The following ZNF716 variants were observed in gnomAD, a reference collection of about 807,000 sequenced individuals.
ZNF716 encodes the protein zinc finger protein 716.
ZNF716 carries 9 observed loss-of-function variants against 13.4 expected under a neutral mutation model. The observed-to-expected ratio is 0.67, with a 90% confidence interval of 0.41 to 1.18. The LOEUF (loss-of-function observed/expected upper bound fraction) is 1.18, where lower values mean the gene tolerates loss of function less well. Ranked by LOEUF, ZNF716 falls within the 50% of genes most tolerant of loss-of-function variation. The pLI is 0.01. For synonymous variants in ZNF716, 186 were observed against 195.2 expected (o/e 0.95, Z 0.39); for missense variants, 581 against 576.6 (o/e 1.01, Z -0.08).
chr7:57,458,273 C>T (rs1445767094), intron 1 of ZNF716, among the ~76,000 whole-genome samples: 3 of 152,190 alleles, frequency 2.0e-5, no homozygotes, highest in African/African-American at 7.2e-5. Context: ...CTCTCACCAG[C>T]AGCGTATAAG....
intron 3 of ZNF716, among the ~76,000 whole-genome samples, chr7:57,466,151 A>G (rs11978269): frequency 0.35 from 52,857 of 151,908 alleles, 9,567 homozygotes; most frequent in Admixed American, 0.42. Context: ...TAACCTGCAC[A>G]TTGTGCACAT....
Position 57,450,252 on chromosome 7 carries a change from C to T in ZNF716, c.-37C>T, listed in dbSNP as rs782506450. ...CGTCCTCTGCTCCTGGAGGCCAAGC[C>T]TCTGTGGCCTTGTGTCCTGCAAGTA... On this transcript the variant is annotated 5_prime_UTR_variant, in exon 1 of 4. Coordinates refer to ENST00000420713, the MANE Select transcript of ZNF716 (RefSeq NM_001159279.1). The T allele has an allele frequency of 6.2e-6, 10 of 1,613,700 alleles. No individual in the cohort carries two copies. The highest frequency in any genetic ancestry group is 4.5e-5 in the East Asian group (2 of 44,846).
Position 57,470,028 on chromosome 7 carries a change from T to C in ZNF716, c.*79T>C. On this transcript the variant is annotated 3_prime_UTR_variant, in exon 4 of 4. Transcript: ENST00000420713. ...AAAAAATCACTACAAGTGTGGAGAA[T>C]GTGGCCAATTCTTTAACCAGTTCCA... 1.5e-6 allele frequency: 2 copies of C among 1,356,624 alleles called. No homozygotes were observed. The highest frequency in any genetic ancestry group is 2.5e-5 in the East Asian group (1 of 39,834). 84.0% of individuals were successfully genotyped at this position (1,356,624 alleles called of 1,614,324 possible).
Position 57,470,127 on chromosome 7 carries a change from T to A in ZNF716, c.*178T>A. On this transcript the variant is annotated 3_prime_UTR_variant, in exon 4 of 4. Coordinates refer to ENST00000420713, the MANE Select transcript of ZNF716 (RefSeq NM_001159279.1). ...ATGTAAAAAAAAAAGTAACAGCCTTTAACCACCCCTCAAACCTTAATGAAC... is the reference window on the plus strand; with the variant it reads ...ATGTAAAAAAAAAAGTAACAGCCTTAAACCACCCCTCAAACCTTAATGAAC... The A allele has an allele frequency of 3.0e-6, 2 of 659,482 alleles. No homozygotes were observed. Among genetic ancestry groups the A allele is most frequent in the Non-Finnish European group, 4.7e-6 (2 of 425,060 alleles). 40.9% of individuals were successfully genotyped at this position (659,482 alleles called of 1,614,324 possible). A position where few individuals can be genotyped will look rare whatever the true frequency, so the allele number is the denominator to read the frequency against.
In ZNF716 at chr7:57,469,667, T is replaced by C. The variant is rs1223205240; in HGVS notation, c.1206T>C (p.His402=). The C allele has an allele frequency of 2.2e-5, 36 of 1,609,478 alleles. No homozygotes were observed. Among genetic ancestry groups the C allele is most frequent in the Non-Finnish European group, 3.1e-5 (36 of 1,176,774 alleles). The change falls in exon 4 of 4, where the codon CAT becomes CAC. Residue 402 remains histidine (H), a synonymous_variant. Transcript: ENST00000420713. ...PSTFTYHKRT[H]TGEKPYKCEE... Reference sequence around the variant, plus strand: ...CCTTCACTTACCACAAGAGAACTCATACTGGAGAGAAACCCTACAAATGTG... The same window carrying C: ...CCTTCACTTACCACAAGAGAACTCACACTGGAGAGAAACCCTACAAATGTG...
intron 3 of ZNF716, among the ~76,000 whole-genome samples, chr7:57,465,750 A>G (rs1176193811): frequency 1.3e-5 from 2 of 152,196 alleles, no homozygotes; most frequent in South Asian, 4.1e-4. Flanking sequence ...TTATTGCGGC[A>G]CTATTCACAA....
chr7:57,461,325 C>A (rs1440024255), intron 1 of ZNF716, among the ~76,000 whole-genome samples: 1 of 152,022 alleles, frequency 6.6e-6, no homozygotes, highest in Non-Finnish European at 1.5e-5. Flanking sequence ...AAAGAAATAC[C>A]ACAGCAGTGA....
At chr7:57,467,960 T>C (rs1789845336) in intron 3 of ZNF716, among the ~76,000 whole-genome samples, 2 of 152,124 alleles carry the variant, frequency 1.3e-5, no homozygotes, top group Admixed American at 1.3e-4. Flanking sequence ...CGTGTTGCCC[T>C]AATATTTTAT....
chr7:57,460,289 G>A (rs1385993857), intron 1 of ZNF716, among the ~76,000 whole-genome samples: 1 of 151,696 alleles, frequency 6.6e-6, no homozygotes, highest in Non-Finnish European at 1.5e-5. Context: ...CAGCTACTCA[G>A]GGGGCTGAGG....
intron 1 of ZNF716, 139 bp from the exon 2 acceptor site, chr7:57,462,321 G>A (rs1789721142): frequency 8.8e-6 from 8 of 907,716 alleles, no homozygotes; most frequent in Non-Finnish European, 1.4e-5. Flanking sequence ...AATAATTTTA[G>A]TCACTCTTAC....
intron 1 of ZNF716, among the ~76,000 whole-genome samples, chr7:57,461,871 C>T (rs1435036363): frequency 2.0e-5 from 3 of 152,050 alleles, no homozygotes; most frequent in Non-Finnish European, 4.4e-5. Flanking sequence ...CAAAAATAGA[C>T]ATGTCCGACT....
At chr7:57,464,122 C>CTTTTTTTTTTTTTTTT (rs71065117) in intron 3 of ZNF716, among the ~76,000 whole-genome samples, 2 of 125,842 alleles carry the variant, frequency 1.6e-5, no homozygotes, top group African/African-American at 3.0e-5. Context: ...TTTCTTTTTT[C>CTTTTTTTTTTTTTTTT]TTTTTTTTTT....
rs782745508 is a variant in ZNF716 at position 57,464,115 on chromosome 7, C to CTTTTTTTTTTTTTTTTTTTTTTTTTTT, written c.262+953_262+954insTTTTTTTTTTTTTTTTTTTTTTTTTTT. Among the ~76,000 whole-genome samples the CTTTTTTTTTTTTTTTTTTTTTTTTTTT allele has an allele frequency of 4.5e-5, 5 of 110,240 alleles. 1 individual carries two copies. Among genetic ancestry groups the CTTTTTTTTTTTTTTTTTTTTTTTTTTT allele is most frequent in the African/African-American group, 3.6e-5 (1 of 27,516 alleles). The allele number at this position is 110,240 out of a possible 152,430, so 72.3% of individuals were successfully genotyped here. A position where few individuals can be genotyped will look rare whatever the true frequency, so the allele number is the denominator to read the frequency against. On this transcript the variant is annotated intron_variant, in intron 3 of 3. Coordinates refer to ENST00000420713, the MANE Select transcript of ZNF716 (RefSeq NM_001159279.1). ...AGGTAGTTCAATCATTTGTCCATTT[C>CTTTTTTTTTTTTTTTTTTTTTTTTTTT]TTTTTTCTTTTTTTTTTTTTTTTGA... is the stretch of plus-strand genomic sequence containing the variant.
In ZNF716 at chr7:57,450,202, T is replaced by C; in HGVS notation, c.-87T>C. On this transcript the variant is annotated 5_prime_UTR_variant, in exon 1 of 4. Coordinates refer to ENST00000420713, the MANE Select transcript of ZNF716 (RefSeq NM_001159279.1). ...CTTTTTGCTTCTCTGCGCCCAGAGC[T>C]CCAGTCCTTCTCTTCACTGCTCTGC... 1.3e-6 allele frequency: 2 copies of C among 1,593,922 alleles called. No individual in the cohort carries two copies. The highest frequency in any genetic ancestry group is 1.7e-6 in the Non-Finnish European group (2 of 1,166,316).
chr7:57,468,363 G>A (rs1789850925), intron 3 of ZNF716, among the ~76,000 whole-genome samples: 1 of 152,110 alleles, frequency 6.6e-6, no homozygotes, highest in Admixed American at 6.6e-5. Context: ...TAAAGATATA[G>A]GTGCCAATAT....
chr7:57,450,436 G>C (rs1233788969), intron 1 of ZNF716, 109 bp downstream of exon 1: 4 of 1,588,362 alleles, frequency 2.5e-6, no homozygotes, highest in Non-Finnish European at 3.4e-6. Flanking sequence ...CGGAGTCTGA[G>C]GACCCAAATC....
intron 3 of ZNF716, among the ~76,000 whole-genome samples, chr7:57,464,610 G>T (rs574829294): frequency 9.1e-4 from 139 of 152,194 alleles, no homozygotes; most frequent in Non-Finnish European, 1.8e-3. Flanking sequence ...AAATTTTTCT[G>T]TTCTTCTCTT....
In ZNF716 at chr7:57,471,290, C is replaced by T. The variant is rs1185870961; in HGVS notation, c.*1341C>T. 1 of 152,134 alleles carries T rather than the reference C, an allele frequency of 6.6e-6. No individual in the cohort carries two copies. The highest frequency in any genetic ancestry group is 1.5e-5 in the Non-Finnish European group (1 of 68,032). The allele number at this position is 152,134 out of a possible 1,614,324, so 9.4% of individuals were successfully genotyped here. Reference sequence around the variant, plus strand: ...ATTAGACAGGCATGGTGGTGTGCACCTGTAATCCCAGCTACTCAGGAGGCT... The same window carrying T: ...ATTAGACAGGCATGGTGGTGTGCACTTGTAATCCCAGCTACTCAGGAGGCT... On this transcript the variant is annotated 3_prime_UTR_variant, in exon 4 of 4. Coordinates refer to ENST00000420713, the MANE Select transcript of ZNF716 (RefSeq NM_001159279.1).
At chr7:57,467,512 T>C (rs547981887) in intron 3 of ZNF716, among the ~76,000 whole-genome samples, 159 of 146,580 alleles carry the variant, frequency 1.1e-3, no homozygotes, top group African/African-American at 3.7e-3. Context: ...TGAAGATTTT[T>C]TTTCAGCACT....
Sources: gnomAD v4.1 joint callset for allele counts (sites outside exome capture counted in the v4.1 genomes callset) on GRCh38, gnomAD v4.1.1 for gene constraint, MANE v1.5 for transcripts, NCBI Gene and HGNC (gene_info 2026-07-23, HGNC 2026-07-21) for gene names.